Variants in PSTPIP1 observed in about 807,000 individuals in gnomAD.
The protein encoded by PSTPIP1 is proline-serine-threonine phosphatase interacting protein 1.
In PSTPIP1, 66 loss-of-function variants were observed where a neutral mutation model predicts 69.6. The ratio of observed to expected loss-of-function variants is 0.95; its 90% CI spans 0.78 to 1.16. The LOEUF (loss-of-function observed/expected upper bound fraction) is 1.16. PSTPIP1 is among the 50% of genes most tolerant of loss of function. The pLI, the probability that PSTPIP1 is intolerant of heterozygous loss-of-function variation, is 0.00. For missense variants in PSTPIP1, 603 were observed against 557.4 expected (o/e 1.08, Z -0.82); for synonymous variants, 266 against 222.7 (o/e 1.19, Z -1.73).
intron 3 of PSTPIP1, among the ~76,000 whole-genome samples, chr15:77,023,332 G>A (rs2076203829): frequency 6.6e-6 from 1 of 152,252 alleles, no homozygotes; most frequent in Non-Finnish European, 1.5e-5. Flanking sequence ...ATGCAGCAAT[G>A]GAGATGGGCA....
At chr15:77,031,908 G>A (rs1382249938) in intron 10 of PSTPIP1, 3 of 207,202 alleles carry the variant, frequency 1.4e-5, no homozygotes, top group Non-Finnish European at 2.9e-5. Flanking sequence ...CAAGTGACTC[G>A]AGCCCCCTGC....
At chr15:77,015,752 G>A in intron 1 of PSTPIP1, 1 of 359,720 alleles carries the variant, frequency 2.8e-6, no homozygotes, top group Non-Finnish European at 5.6e-6. Flanking sequence ...GGAGGGCGCG[G>A]GCTGGGGGAA....
At chr15:77,022,066 G>C (rs144356705) in intron 3 of PSTPIP1, among the ~76,000 whole-genome samples, 1 of 152,228 alleles carries the variant, frequency 6.6e-6, no homozygotes, top group South Asian at 2.1e-4. Context: ...GAATCCTCAC[G>C]TCCCTGCCTC....
intron 1 of PSTPIP1, among the ~76,000 whole-genome samples, chr15:77,016,243 C>T (rs549104722): frequency 1.3e-5 from 2 of 152,294 alleles, no homozygotes; most frequent in African/African-American, 4.8e-5. Flanking sequence ...GTTCCCAGTT[C>T]TCAGGGCGGG....
chr15:77,035,604 TG>T (rs143536570), intron 13 of PSTPIP1, 41 bp downstream of exon 13: 24 of 1,546,666 alleles, frequency 1.6e-5, no homozygotes, highest in Admixed American at 3.9e-5. Context: ...ACACTGATCC[TG>T]GGGGGGAGGA....
chr15:77,001,958 G>A (rs2075718404), intron 1 of PSTPIP1, among the ~76,000 whole-genome samples: 1 of 152,200 alleles, frequency 6.6e-6, no homozygotes, highest in South Asian at 2.1e-4. Flanking sequence ...CCATATGAAT[G>A]TATTAATTAT....
rs2458253 is a variant in PSTPIP1, at chr15:76,995,448, G to T, written c.-126G>T. 1.2e-4 allele frequency: 181 copies of T among 1,552,706 alleles called. No individual in the cohort carries two copies. The African/African-American group carries it at 2.1e-3, about 18-fold the overall frequency. ...TGGCTGCCTTCTGAGTGTTGCAGAC[G>T]GCGCCGGCCGGGAAGGGGGGCCTGG... is the stretch of plus-strand genomic sequence containing the variant. On this transcript the variant is annotated 5_prime_UTR_variant, in exon 1 of 15. Transcript: ENST00000558012.
chr15:76,998,323 GGGC>G (rs2075624426), intron 1 of PSTPIP1, among the ~76,000 whole-genome samples: 1 of 152,210 alleles, frequency 6.6e-6, no homozygotes, highest in Admixed American at 6.5e-5. Context: ...ACAGAACACG[GGGC>G]GGAGGAGGGG....
chr15:77,023,097 G>T (rs923713763), intron 3 of PSTPIP1, among the ~76,000 whole-genome samples: 5 of 152,238 alleles, frequency 3.3e-5, no homozygotes, highest in Non-Finnish European at 5.9e-5. Flanking sequence ...CAGAACCTGC[G>T]ATTCCTTACA....
chr15:77,029,542 C>A lies in PSTPIP1; in HGVS notation c.530C>A (p.Ala177Asp), dbSNP rs1404858462. ...CTGTTTCCTCAGAGTCAGAACAAAG[C>A]CAGGCAGTGCAAGGACTCGGCCACC... The part of the protein sequence containing the change: ...QKQVEKSQNK[A>D]RQCKDSATEA... Residue 177 changes from alanine to aspartate, a missense_variant, in exon 8 of 15, where the codon GCC (alanine) becomes GAC (aspartate). By Grantham distance (126) the Ala-to-Asp change is moderately radical. Coordinates refer to ENST00000558012, the MANE Select transcript of PSTPIP1 (RefSeq NM_003978.5). 2.5e-6 allele frequency: 4 copies of A among 1,583,292 alleles called. No homozygotes were observed. In the South Asian group the frequency reaches 3.5e-5, roughly 14 times the overall value.
intron 1 of PSTPIP1, among the ~76,000 whole-genome samples, chr15:77,006,337 G>T (rs746091084): frequency 1.3e-5 from 2 of 151,930 alleles, no homozygotes; most frequent in Non-Finnish European, 2.9e-5. Context: ...TGAGTTGAAG[G>T]AGTTCTTTAT....
In PSTPIP1 at chr15:77,002,717, T is replaced by A. The variant is rs1471981625; in HGVS notation, c.36+7108T>A. ...ATGGTCACTGCCAGGATTTGCTGGC[T>A]GCAGGGTTCTGGGTCGATTTGGTGT... On this transcript the variant is annotated intron_variant, in intron 1 of 14. Coordinates refer to ENST00000558012, the MANE Select transcript of PSTPIP1 (RefSeq NM_003978.5). Among the ~76,000 whole-genome samples, 2 of 152,256 alleles carry A rather than the reference T, an allele frequency of 1.3e-5. 1 individual carries two copies. The highest frequency in any genetic ancestry group is 6.3e-3 in the Middle Eastern group (2 of 316).
chr15:77,030,673 C>A, intron 9 of PSTPIP1, 92 bp downstream of exon 9: 2 of 1,244,582 alleles, frequency 1.6e-6, no homozygotes, highest in Non-Finnish European at 2.2e-6. Flanking sequence ...CCAAGTGAGG[C>A]AGTTGGGGAA....
intron 12 of PSTPIP1, among the ~76,000 whole-genome samples, chr15:77,033,872 C>G (rs1281180404): frequency 6.6e-6 from 1 of 152,150 alleles, no homozygotes; most frequent in Non-Finnish European, 1.5e-5. Context: ...CCCCAGGAGG[C>G]AGCACACCCG....
At chr15:77,031,325 G>A in intron 10 of PSTPIP1, 47 bp downstream of exon 10, 4 of 1,579,276 alleles carry the variant, frequency 2.5e-6, no homozygotes, top group Non-Finnish European at 3.5e-6. Flanking sequence ...GCAGCCTCTA[G>A]GCAGCAAAGC....
chr15:77,035,989 C>A, intron 14 of PSTPIP1, 54 bp downstream of exon 14: 1 of 1,522,426 alleles, frequency 6.6e-7, no homozygotes. Context: ...CACCTGAGAG[C>A]TCCCTCTCCC....
At chr15:77,036,268 C>T (rs2076570947) in intron 14 of PSTPIP1, among the ~76,000 whole-genome samples, 1 of 152,188 alleles carries the variant, frequency 6.6e-6, no homozygotes, top group Admixed American at 6.5e-5. Context: ...GCCGTCCACA[C>T]AGGCTGGGCG....
At chr15:77,006,951 T>C (rs2075827201) in intron 1 of PSTPIP1, among the ~76,000 whole-genome samples, 2 of 152,210 alleles carry the variant, frequency 1.3e-5, no homozygotes, top group African/African-American at 4.8e-5. Flanking sequence ...CTGCTTTTGT[T>C]GTTCCCTTTT....
chr15:77,018,238 C>T lies in PSTPIP1; in HGVS notation c.127C>T (p.Leu43=). The T allele has an allele frequency of 6.3e-7, 1 of 1,579,760 alleles. No individual in the cohort carries two copies. The highest frequency in any genetic ancestry group is 1.2e-5 in the South Asian group (1 of 85,980). Residue 43 remains leucine, a synonymous_variant, in exon 2 of 15, where the codon CTG becomes TTG. Coordinates refer to ENST00000558012, the MANE Select transcript of PSTPIP1 (RefSeq NM_003978.5). ...GATGTGCAAAGACATGGAGGAGCTACTGAGGCAGAGGTGAGCTGCTGGGCA... is the reference window on the plus strand; with the variant it reads ...GATGTGCAAAGACATGGAGGAGCTATTGAGGCAGAGGTGAGCTGCTGGGCA... ...RKMCKDMEEL[L]RQRAQAEERY...
Sources: allele counts gnomAD v4.1 joint callset (sites outside exome capture counted in the v4.1 genomes callset), GRCh38; gene constraint gnomAD v4.1.1; transcripts MANE v1.5; gene names NCBI Gene and HGNC (gene_info 2026-07-23, HGNC 2026-07-21).